The following ZNF343 variants were observed in gnomAD, a reference collection of about 807,000 sequenced individuals.
ZNF343 encodes zinc finger protein 343.
A neutral mutation model predicts 13.8 loss-of-function variants in ZNF343; 11 were observed. The ratio of observed to expected loss-of-function variants is 0.80; its 90% CI spans 0.50 to 1.32. ZNF343 has a LOEUF of 1.32. Ranked by LOEUF, ZNF343 falls within the 40% of genes most tolerant of loss-of-function variation. The pLI is 0.00. For missense variants in ZNF343, 658 were observed against 714.2 expected, an observed-to-expected ratio of 0.92 and a Z score of 0.90; for synonymous variants, 248 against 260.0, an observed-to-expected ratio of 0.95 and a Z score of 0.44.
At chr20:2,510,298 G>A (rs918484926), upstream of ZNF343, among the ~76,000 whole-genome samples, 1 of 152,158 alleles carries the variant, frequency 6.6e-6, no homozygotes, top group East Asian at 1.9e-4. Flanking sequence ...TAGATAAAAA[G>A]TAAGATCTCT....
In ZNF343 at chr20:2,484,350, G is replaced by A; in HGVS notation, c.611C>T (p.Pro204Leu). The change falls in exon 6 of 6, where the codon CCT becomes CTT. Residue 204 changes from proline to leucine, a missense_variant. Physicochemically the swap from Pro to Leu is moderately conservative, Grantham distance 98. Coordinates refer to ENST00000278772, the MANE Select transcript of ZNF343 (RefSeq NM_024325.6). ...PSPLQRQSAS[P>L]RKGNMVVETE... ...TTCTACCACCATGTTGCCTTTTCTA[G>A]GACTTGCTGACTGTCTTTGGAGTGG... 6.2e-7 allele frequency: 1 copy of A among 1,614,216 alleles called. No individual in the cohort carries two copies. Among genetic ancestry groups the A allele is most frequent in the South Asian group, 1.1e-5 (1 of 91,086 alleles).
chr20:2,482,017 G>A lies in ZNF343; in HGVS notation c.*1144C>T, dbSNP rs889784314. ...AGACTGTCCTCCTAAGTCAGTTGAG[G>A]AGTGACATCGGGATGAAGCTCCACC... On this transcript the variant is annotated 3_prime_UTR_variant, in exon 6 of 6. Coordinates refer to ENST00000278772, the MANE Select transcript of ZNF343 (RefSeq NM_024325.6). 3.9e-5 allele frequency: 6 copies of A among 152,170 alleles called. No individual in the cohort carries two copies. The highest frequency in any genetic ancestry group is 1.4e-4 in the African/African-American group (6 of 41,418). 9.4% of individuals were successfully genotyped at this position (152,170 alleles called of 1,614,324 possible). A position where few individuals can be genotyped will look rare whatever the true frequency, so the allele number is the denominator to read the frequency against.
At chr20:2,492,661 A>C (rs748994788) in intron 5 of ZNF343, 38 bp downstream of exon 5, 2 of 1,598,780 alleles carry the variant, frequency 1.3e-6, no homozygotes, top group East Asian at 4.5e-5. Context: ...GTAAATCTCT[A>C]CTGAATTAAT....
chr20:2,515,833 G>A (rs965104178), intron 1 of ZNF343, among the ~76,000 whole-genome samples: 22 of 152,172 alleles, frequency 1.4e-4, no homozygotes, highest in African/African-American at 4.8e-4. Context: ...ACAGGCTCAG[G>A]TGATGGTACC....
At chr20:2,493,236 T>G (rs976093399) in intron 4 of ZNF343, among the ~76,000 whole-genome samples, 5 of 151,880 alleles carry the variant, frequency 3.3e-5, no homozygotes, top group African/African-American at 1.2e-4. Flanking sequence ...TGGTAAAGAT[T>G]TAGAGGAGAG....
chr20:2,518,139 G>A lies in ZNF343; in HGVS notation c.-347+6316C>T, dbSNP rs184788128. 2.6e-5 allele frequency among the ~76,000 whole-genome samples: 4 copies of A among 151,598 alleles called. No homozygotes were observed. The highest frequency in any genetic ancestry group is 7.3e-5 in the African/African-American group (3 of 41,300). On this transcript the variant is annotated intron_variant, in intron 1 of 6. Coordinates refer to the ZNF343 transcript ENST00000358413. The surrounding 1 kb of genome is among the most constrained non-coding windows in gnomAD (Gnocchi z 4.6). ...AGTGATTCCCCTTCCTCAGCTTTCT[G>A]AGTAGCTGGGATTACAGGCGCGTGC... is the stretch of plus-strand genomic sequence containing the variant.
upstream of ZNF343, among the ~76,000 whole-genome samples, chr20:2,510,758 G>A (rs929858572): frequency 1.3e-5 from 2 of 152,150 alleles, no homozygotes; most frequent in African/African-American, 4.8e-5. Flanking sequence ...GTATTGCAAG[G>A]GAAGAAGGCC....
intron 5 of ZNF343, among the ~76,000 whole-genome samples, chr20:2,485,698 C>A (rs2085271320): frequency 6.6e-6 from 1 of 152,174 alleles, no homozygotes; most frequent in Non-Finnish European, 1.5e-5. Context: ...ATGATTTGTG[C>A]CATTTGATTT....
At chr20:2,519,800 C>A (rs935816285) in intron 1 of ZNF343, among the ~76,000 whole-genome samples, 2 of 152,190 alleles carry the variant, frequency 1.3e-5, no homozygotes, top group African/African-American at 4.8e-5. Flanking sequence ...GATTTCCTGC[C>A]TGTTTTCAAC....
rs1202882418 is a variant in ZNF343 at position 2,484,371 on chromosome 20, A to G, written c.590T>C (p.Leu197Pro). 6.2e-7 allele frequency: 1 copy of G among 1,614,132 alleles called. No homozygotes were observed. The highest frequency in any genetic ancestry group is 1.1e-5 in the South Asian group (1 of 91,080). The change falls in exon 6 of 6, where the codon CTC (leucine) becomes CCC (proline). Residue 197 changes from leucine to proline, a missense_variant. Physicochemically the swap from Leu to Pro is moderately conservative, Grantham distance 98. Transcript: ENST00000278772. ...RETSRAFPSP[L>P]QRQSASPRKG... ...TCTAGGACTTGCTGACTGTCTTTGGAGTGGGCTGGGGAATGCCCTTGAGGT... is the reference window on the plus strand; with the variant it reads ...TCTAGGACTTGCTGACTGTCTTTGGGGTGGGCTGGGGAATGCCCTTGAGGT...
intron 1 of ZNF343, among the ~76,000 whole-genome samples, chr20:2,519,935 G>A (rs1600084756): frequency 6.6e-6 from 1 of 152,134 alleles, no homozygotes; most frequent in East Asian, 1.9e-4. Flanking sequence ...TAGAGAACAA[G>A]GTGTGATTGT....
intron 2 of ZNF343, among the ~76,000 whole-genome samples, chr20:2,499,890 A>AC (rs2085531230): frequency 6.6e-6 from 1 of 152,220 alleles, no homozygotes; most frequent in East Asian, 1.9e-4. Context: ...TACAGTTTGA[A>AC]CTAAGCAATA....
chr20:2,494,412 G>A (rs1410458167), intron 2 of ZNF343, among the ~76,000 whole-genome samples: 3 of 152,022 alleles, frequency 2.0e-5, no homozygotes, highest in African/African-American at 7.2e-5. Context: ...TAGACCAACT[G>A]GGGCGTGCAG....
intron 4 of ZNF343, 128 bp from the exon 5 acceptor site, chr20:2,492,953 C>T (rs1358805478): frequency 1.5e-6 from 2 of 1,354,410 alleles, no homozygotes; most frequent in African/African-American, 1.5e-5. Context: ...ATATGGTTCT[C>T]CATATGAAGT....
Position 2,482,907 on chromosome 20 carries a change from C to A in ZNF343, c.*254G>T. 1 of 498,240 alleles carries A rather than the reference C, an allele frequency of 2.0e-6. No homozygotes were observed. 30.9% of individuals were successfully genotyped at this position (498,240 alleles called of 1,614,324 possible). A position where few individuals can be genotyped will look rare whatever the true frequency, so the allele number is the denominator to read the frequency against. On this transcript the variant is annotated 3_prime_UTR_variant, in exon 6 of 6. Transcript: ENST00000278772. ...CCTTCCCACAGTCCCTACACATAAACTTCTCTCCTAAGTGTGTCCTTTTGT... is the reference window on the plus strand; with the variant it reads ...CCTTCCCACAGTCCCTACACATAAAATTCTCTCCTAAGTGTGTCCTTTTGT...
chr20:2,499,334 G>A (rs1393015448), intron 2 of ZNF343, among the ~76,000 whole-genome samples: 5 of 122,808 alleles, frequency 4.1e-5, no homozygotes, highest in South Asian at 2.6e-4. Flanking sequence ...GCGTAGTGGC[G>A]GGCACCTGTA....
chr20:2,500,358 A>C (rs2085539132), intron 2 of ZNF343, among the ~76,000 whole-genome samples: 1 of 152,218 alleles, frequency 6.6e-6, no homozygotes, highest in Non-Finnish European at 1.5e-5. Context: ...AATAAATGCT[A>C]ATTACCATCA....
intron 1 of ZNF343, among the ~76,000 whole-genome samples, chr20:2,506,765 A>G (rs2085664831): frequency 1.3e-5 from 2 of 152,028 alleles, no homozygotes; most frequent in South Asian, 4.1e-4. Flanking sequence ...TGGACACAGG[A>G]AGGGGAACAT....
chr20:2,501,874 G>C (rs1186697841), intron 1 of ZNF343, among the ~76,000 whole-genome samples: 1 of 152,208 alleles, frequency 6.6e-6, no homozygotes, highest in Admixed American at 6.5e-5. Flanking sequence ...AAACAGAGCA[G>C]AAAAACTGGA....
Sources: allele counts gnomAD v4.1 joint callset (sites outside exome capture counted in the v4.1 genomes callset), GRCh38; gene constraint gnomAD v4.1.1; non-coding constraint Gnocchi (gnomAD v3.1); transcripts MANE v1.5; gene names NCBI Gene and HGNC (gene_info 2026-07-23, HGNC 2026-07-21).